Variants in DRC11 observed in about 807,000 individuals in gnomAD.
DRC11 encodes dynein regulatory complex subunit 11.
the DRC11 span, among the ~76,000 whole-genome samples, chr2:236,505,761 C>G: frequency 0.012 from 1,869 of 152,288 alleles, 45 homozygotes; most frequent in African/African-American, 0.042. Flanking sequence ...GCCAGCACCC[C>G]CTGGATCCCA....
the DRC11 span, among the ~76,000 whole-genome samples, chr2:236,362,808 G>A: frequency 8.5e-5 from 13 of 152,204 alleles, no homozygotes; most frequent in Admixed American, 7.9e-4. The surrounding 1 kb of genome is among the most constrained non-coding windows in gnomAD (Gnocchi z 5.7). Flanking sequence ...CTCTCTGAAC[G>A]CCTTCCTTAC....
At chr2:236,369,804 G>A in the DRC11 span, among the ~76,000 whole-genome samples, 1 of 152,148 alleles carries the variant, frequency 6.6e-6, no homozygotes, top group Non-Finnish European at 1.5e-5. This position sits in a 1 kb window ranked among gnomAD's most constrained non-coding sequence, Gnocchi z 4.5. Flanking sequence ...CCGTGCATTC[G>A]GAGCTCGGAA....
At chr2:236,503,862 G>A in the DRC11 span, among the ~76,000 whole-genome samples, 1 of 152,020 alleles carries the variant, frequency 6.6e-6, no homozygotes, top group Non-Finnish European at 1.5e-5. This position sits in a 1 kb window ranked among gnomAD's most constrained non-coding sequence, Gnocchi z 4.9. Flanking sequence ...TCCTCGCCCT[G>A]CAGCCTCAAG....
chr2:236,351,571 C>T, the DRC11 span, among the ~76,000 whole-genome samples: 2 of 152,162 alleles, frequency 1.3e-5, no homozygotes, highest in East Asian at 3.9e-4. This position sits in a 1 kb window ranked among gnomAD's most constrained non-coding sequence, Gnocchi z 7.3. Context: ...CTGGAAAGGA[C>T]TTTAATCAAG....
the DRC11 span, among the ~76,000 whole-genome samples, chr2:236,358,256 A>C: frequency 7.5e-6 from 1 of 132,684 alleles, no homozygotes; most frequent in East Asian, 2.2e-4. Context: ...GATGTATACT[A>C]TATGAATATA....
the DRC11 span, among the ~76,000 whole-genome samples, chr2:236,309,105 T>C: frequency 1.3e-5 from 2 of 152,160 alleles, no homozygotes; most frequent in Non-Finnish European, 2.9e-5. This position sits in a 1 kb window ranked among gnomAD's most constrained non-coding sequence, Gnocchi z 5.7. Flanking sequence ...GGCATCAGAA[T>C]ACACGTGTTA....
chr2:236,416,722 TA>T, the DRC11 span, among the ~76,000 whole-genome samples: 5,554 of 14,222 alleles, frequency 0.39, 402 homozygotes, highest in African/African-American at 0.44. Flanking sequence ...TATATATATT[TA>T]TATATATATA....
At chr2:236,357,393 T>C in the DRC11 span, among the ~76,000 whole-genome samples, 2 of 124,816 alleles carry the variant, frequency 1.6e-5, no homozygotes, top group South Asian at 4.7e-4. Flanking sequence ...ATAGATATTA[T>C]ATAGTATATG....
chr2:236,306,837 C>T, the DRC11 span, among the ~76,000 whole-genome samples: 1 of 152,172 alleles, frequency 6.6e-6, no homozygotes, highest in Non-Finnish European at 1.5e-5. The surrounding 1 kb of genome is among the most constrained non-coding windows in gnomAD (Gnocchi z 5.9). Flanking sequence ...TGGTTAATAT[C>T]ACACCTCTTC....
chr2:236,464,876 G>T, the DRC11 span, among the ~76,000 whole-genome samples: 1 of 152,146 alleles, frequency 6.6e-6, no homozygotes, highest in Non-Finnish European at 1.5e-5. Flanking sequence ...CTTGCCATTT[G>T]ACGTGCCTTC....
At chr2:236,330,586 T>C in the DRC11 span, among the ~76,000 whole-genome samples, 1 of 152,212 alleles carries the variant, frequency 6.6e-6, no homozygotes, top group African/African-American at 2.4e-5. The surrounding 1 kb of genome is among the most constrained non-coding windows in gnomAD (Gnocchi z 5.5). Context: ...TTCCTGATGT[T>C]AAGCAGGCTC....
chr2:236,507,250 C>T, the DRC11 span: 2 of 1,613,992 alleles, frequency 1.2e-6, no homozygotes, highest in Non-Finnish European at 1.7e-6. Flanking sequence ...GGGAGCCCAT[C>T]ACTTACGCGT....
At chr2:236,380,762 A>C in the DRC11 span, 1 of 699,770 alleles carries the variant, frequency 1.4e-6, no homozygotes, top group Non-Finnish European at 2.5e-6. The surrounding 1 kb of genome is among the most constrained non-coding windows in gnomAD (Gnocchi z 4.9). Context: ...TGGTGGCGTG[A>C]ACACAGAGCT....
chr2:236,344,682 T>C, the DRC11 span: 2 of 1,445,826 alleles, frequency 1.4e-6, no homozygotes, highest in Admixed American at 1.7e-5. Context: ...GTAAATGCAC[T>C]TCCCTCTCAG....
At chr2:236,378,498 C>T in the DRC11 span, among the ~76,000 whole-genome samples, 1 of 151,934 alleles carries the variant, frequency 6.6e-6, no homozygotes, top group African/African-American at 2.4e-5. Context: ...CATGGTGAAA[C>T]CCCATCTCTA....
At chr2:236,472,083 G>A in the DRC11 span, among the ~76,000 whole-genome samples, 49 of 152,286 alleles carry the variant, frequency 3.2e-4, no homozygotes, top group East Asian at 7.3e-3. This position sits in a 1 kb window ranked among gnomAD's most constrained non-coding sequence, Gnocchi z 4.6. Context: ...AAAATCCCAC[G>A]TAATAGAAAA....
the DRC11 span, among the ~76,000 whole-genome samples, chr2:236,337,029 C>A: frequency 0.076 from 11,638 of 152,278 alleles, 596 homozygotes; most frequent in Non-Finnish European, 0.12. The surrounding 1 kb of genome is among the most constrained non-coding windows in gnomAD (Gnocchi z 4.9). Context: ...AGAAGCTGCA[C>A]TGAGGCCAGG....
the DRC11 span, among the ~76,000 whole-genome samples, chr2:236,469,886 T>C: frequency 2.6e-5 from 4 of 152,328 alleles, no homozygotes; most frequent in East Asian, 7.7e-4. This position sits in a 1 kb window ranked among gnomAD's most constrained non-coding sequence, Gnocchi z 5.8. Flanking sequence ...TATATTGAAA[T>C]ACATCAGCTG....
chr2:236,400,592 C>T, the DRC11 span, among the ~76,000 whole-genome samples: 2 of 152,366 alleles, frequency 1.3e-5, no homozygotes, highest in Admixed American at 6.5e-5. The surrounding 1 kb of genome is among the most constrained non-coding windows in gnomAD (Gnocchi z 7.9). Context: ...AGGAACAACG[C>T]TGGCCTCCAT....
Sources: allele counts gnomAD v4.1 joint callset (sites outside exome capture counted in the v4.1 genomes callset), GRCh38; gene constraint gnomAD v4.1.1; non-coding constraint Gnocchi (gnomAD v3.1); transcripts MANE v1.5; gene names NCBI Gene and HGNC (gene_info 2026-07-23, HGNC 2026-07-21).